Variants in CUX1 observed in about 807,000 individuals in gnomAD.
CUX1 encodes the protein protein CASP.
Under a neutral mutation model 158.8 loss-of-function variants are expected in CUX1, and 31 were observed. The ratio of observed to expected loss-of-function variants is 0.20; its 90% CI spans 0.15 to 0.26. The LOEUF is 0.26. Ranked by LOEUF, CUX1 falls within the 10% of genes least tolerant of loss-of-function variation. The pLI is 1.00. For synonymous variants in CUX1, 879 were observed against 862.1 expected, an observed-to-expected ratio of 1.02 and a Z score of -0.34; for missense variants, 1,589 against 2,014.6, an observed-to-expected ratio of 0.79 and a Z score of 4.04.
At chr7:102,068,200 TC>T (rs769591777) in intron 3 of CUX1, among the ~76,000 whole-genome samples, 1 of 151,810 alleles carries the variant, frequency 6.6e-6, no homozygotes, top group African/African-American at 2.4e-5. Flanking sequence ...CAGGCAGTCC[TC>T]CCACCTCAGC....
chr7:102,070,365 G>A lies in CUX1; in HGVS notation c.216G>A (p.Lys72=). ...GEIDALSKRS[K]EAEAAFLNVY... ...TTGATGCACTGAGTAAAAGAAGCAA[G>A]GAAGCTGAAGCAGCTTTCTTGAATG... The change falls in exon 4 of 24, where the codon AAG becomes AAA. Residue 72 remains lysine (K), a synonymous_variant. Coordinates refer to ENST00000292535, the MANE Select transcript of CUX1 (RefSeq NM_181552.4). The A allele has an allele frequency of 6.2e-7, 1 of 1,609,354 alleles. No homozygotes were observed. Among genetic ancestry groups the A allele is most frequent in the South Asian group, 1.1e-5 (1 of 90,004 alleles).
chr7:102,272,713 G>C (rs1791305123), intron 14 of CUX1, among the ~76,000 whole-genome samples: 1 of 152,164 alleles, frequency 6.6e-6, no homozygotes, highest in East Asian at 1.9e-4. Flanking sequence ...GTCACAGTTT[G>C]GATGCTTTGT....
intron 2 of CUX1, among the ~76,000 whole-genome samples, chr7:101,948,909 T>C (rs1001436044): frequency 2.0e-5 from 3 of 152,204 alleles, no homozygotes; most frequent in Admixed American, 2.0e-4. Flanking sequence ...CAAGTGTGTC[T>C]GAGTATGGCC....
At chr7:101,857,773 T>TC (rs397804711) in intron 1 of CUX1, among the ~76,000 whole-genome samples, 1 of 151,576 alleles carries the variant, frequency 6.6e-6, no homozygotes, top group Non-Finnish European at 1.5e-5. Flanking sequence ...GGAATTTTTT[T>TC]CCCCCCTTAG....
At position 102,104,743 on chromosome 7, in the gene CUX1, A is replaced by C. The variant is rs186810327; in HGVS notation, c.530+284A>C. ...CGTCTCTACTAAAAAATACAAAAAA[A>C]AATTAGCCAGGCATGGTGGCGCACG... On this transcript the variant is annotated intron_variant, in intron 6 of 23. Transcript: ENST00000292535. Among the ~76,000 whole-genome samples, 932 of 152,092 alleles carry C rather than the reference A, an allele frequency of 6.1e-3. 11 individuals carry two copies. Among genetic ancestry groups the C allele is most frequent in the African/African-American group, 0.021 (888 of 41,492 alleles).
chr7:101,850,243 AT>A (rs1796130707), intron 1 of CUX1, among the ~76,000 whole-genome samples: 1 of 151,248 alleles, frequency 6.6e-6, no homozygotes. Context: ...TTAAAATGCA[AT>A]TTTTCTGAAG....
chr7:101,928,916 C>T (rs1371493156), intron 2 of CUX1, among the ~76,000 whole-genome samples: 1 of 151,834 alleles, frequency 6.6e-6, no homozygotes, highest in Admixed American at 6.5e-5. Flanking sequence ...GTGATCCACC[C>T]GCCTCGGCCT....
chr7:102,223,771 C>A (rs776662588), intron 20 of CUX1, among the ~76,000 whole-genome samples: 18 of 152,110 alleles, frequency 1.2e-4, no homozygotes, highest in Non-Finnish European at 2.4e-4. Context: ...GAGTTGGAGA[C>A]CAGCCTGGCC....
intron 1 of CUX1, among the ~76,000 whole-genome samples, chr7:101,845,738 C>A (rs564878476): frequency 6.6e-6 from 1 of 152,158 alleles, no homozygotes; most frequent in South Asian, 2.1e-4. Flanking sequence ...AGGATCTGGC[C>A]GAGCACAGAG....
At chr7:102,021,433 A>G (rs1251824208) in intron 2 of CUX1, among the ~76,000 whole-genome samples, 2 of 151,994 alleles carry the variant, frequency 1.3e-5, no homozygotes, top group Admixed American at 6.6e-5. Flanking sequence ...TCAGCCTCCA[A>G]AATAGATAGG....
At chr7:101,906,284 G>A (rs752237961) in intron 1 of CUX1, among the ~76,000 whole-genome samples, 82 of 152,132 alleles carry the variant, frequency 5.4e-4, no homozygotes, top group Non-Finnish European at 7.9e-4. Context: ...GAGCTGCCAC[G>A]CAGCCACTCA....
chr7:102,227,450 G>C lies in CUX1; in HGVS notation c.3214G>C (p.Glu1072Gln), dbSNP rs1433302174. The C allele has an allele frequency of 6.2e-7, 1 of 1,613,952 alleles. No homozygotes were observed. ...CAGTGAGTCGGTGAAGAGCCTGACC[G>C]AGCTGGTCCAGCAGCCCTGTCCCCC... ...SSSESVKSLT[E>Q]LVQQPCPPIE... Residue 1072 changes from glutamate to glutamine, a missense_variant, in exon 21 of 24, where the codon GAG becomes CAG. Physicochemically the swap from Glu to Gln is conservative, Grantham distance 29 (BLOSUM62 2). Around this residue, in one of 8 missense-constraint regions of CUX1, gnomAD observed 259 missense variants for 373.8 expected, o/e 0.69. Transcript: ENST00000292535.
At chr7:101,844,857 C>G (rs1162584059) in intron 1 of CUX1, among the ~76,000 whole-genome samples, 1 of 152,060 alleles carries the variant, frequency 6.6e-6, no homozygotes, top group East Asian at 1.9e-4. Flanking sequence ...CTCAAGTTAT[C>G]CACCCACTTT....
chr7:102,026,835 A>C lies in CUX1; in HGVS notation c.142-1263A>C, dbSNP rs1024250599. Among the ~76,000 whole-genome samples the C allele has an allele frequency of 9.5e-4, 145 of 151,860 alleles. 3 individuals carry two copies. The highest frequency in any genetic ancestry group is 3.2e-3 in the African/African-American group (131 of 41,444). On this transcript the variant is annotated intron_variant, in intron 2 of 23. Coordinates refer to ENST00000292535, the MANE Select transcript of CUX1 (RefSeq NM_181552.4). The stretch of plus-strand genomic sequence containing the variant: ...TCCGTCTTTAAAAAAAAAAAAAAAA[A>C]AAAAAAAAACATAGTTTCAATGCCT...
intron 1 of CUX1, among the ~76,000 whole-genome samples, chr7:101,827,153 A>G (rs1793395731): frequency 6.6e-6 from 1 of 152,134 alleles, no homozygotes; most frequent in Non-Finnish European, 1.5e-5. Flanking sequence ...CTTGAACAAC[A>G]TGGGGATTAG....
Position 102,201,638 on chromosome 7 carries a change from C to G in CUX1, c.2341C>G (p.Pro781Ala). Residue 781 changes from proline (P) to alanine (A), a missense_variant, in exon 18 of 24, where the codon CCC becomes GCC. By Grantham distance (27) the Pro-to-Ala change is conservative (BLOSUM62 -1). Around this residue, in one of 8 missense-constraint regions of CUX1, gnomAD observed 337 missense variants for 409.3 expected, o/e 0.82. Transcript: ENST00000292535. This position sits in a 1 kb window ranked among gnomAD's most constrained non-coding sequence, Gnocchi z 5.0. Reference protein sequence around the residue: ...PEAGASALPNPPALKKEAQDA... With the variant: ...PEAGASALPNAPALKKEAQDA... Reference sequence around the variant, plus strand: ...GGCCGGTGCCTCTGCTCTGCCGAACCCCCCGGCCCTCAAAAAGGAGGCCCA... The same window carrying G: ...GGCCGGTGCCTCTGCTCTGCCGAACGCCCCGGCCCTCAAAAAGGAGGCCCA... 6.2e-7 allele frequency: 1 copy of G among 1,613,668 alleles called. No individual in the cohort carries two copies. Among genetic ancestry groups the G allele is most frequent in the South Asian group, 1.1e-5 (1 of 91,078 alleles).
chr7:101,853,425 C>T (rs981427570), intron 1 of CUX1, among the ~76,000 whole-genome samples: 1 of 152,162 alleles, frequency 6.6e-6, no homozygotes, highest in Non-Finnish European at 1.5e-5. Context: ...GATGCTTAAA[C>T]CCAGTTGTGC....
chr7:102,205,841 G>A (rs1178104476), intron 20 of CUX1, among the ~76,000 whole-genome samples: 2 of 152,082 alleles, frequency 1.3e-5, no homozygotes, highest in Non-Finnish European at 2.9e-5. Flanking sequence ...ACAGCCCACC[G>A]AGGCTGACCC....
chr7:102,226,656 A>G (rs1586325151), intron 20 of CUX1, among the ~76,000 whole-genome samples: 3 of 152,184 alleles, frequency 2.0e-5, no homozygotes, highest in African/African-American at 7.2e-5. Context: ...ATGGAGTCTC[A>G]CTCTCACTCT....
Sources: allele counts gnomAD v4.1 joint callset (sites outside exome capture counted in the v4.1 genomes callset), GRCh38; gene constraint gnomAD v4.1.1; regional missense constraint gnomAD v4.1.1; non-coding constraint Gnocchi (gnomAD v3.1); transcripts MANE v1.5; gene names NCBI Gene and HGNC (gene_info 2026-07-23, HGNC 2026-07-21).